FHOD3: variants seen among roughly 807,000 people sequenced by gnomAD.
The protein encoded by FHOD3 is formin homology 2 domain containing 3.
A neutral mutation model predicts 173.0 loss-of-function variants in FHOD3; 90 were observed. The ratio of observed to expected loss-of-function variants is 0.52; its 90% CI spans 0.44 to 0.62. The LOEUF (loss-of-function observed/expected upper bound fraction) is 0.62. Among genes scored for constraint, FHOD3 ranks in the 20% least tolerant of loss-of-function variants. The probability of loss-of-function intolerance (pLI) is 0.00; values close to 1 mark genes in which losing one functional copy is unlikely to be tolerated. For missense variants in FHOD3, 1,945 were observed against 2,034.7 expected (o/e 0.96, Z 0.85); for synonymous variants, 828 against 823.0 (o/e 1.01, Z -0.10).
chr18:36,668,327 CTTA>C (rs1291296930), intron 14 of FHOD3, among the ~76,000 whole-genome samples: 4 of 152,054 alleles, frequency 2.6e-5, no homozygotes, highest in African/African-American at 7.2e-5. Context: ...AGAATAGTCC[CTTA>C]TTATTTTTTT....
intron 7 of FHOD3, among the ~76,000 whole-genome samples, chr18:36,600,893 A>G (rs1026228706): frequency 1.3e-5 from 2 of 152,238 alleles, no homozygotes; most frequent in African/African-American, 4.8e-5. Flanking sequence ...CCTTTGAGCC[A>G]TGCATGGGTA....
At chr18:36,741,959 A>G (rs946405981) in intron 21 of FHOD3, among the ~76,000 whole-genome samples, 6 of 152,130 alleles carry the variant, frequency 3.9e-5, no homozygotes, top group East Asian at 1.9e-4. Flanking sequence ...GGTGACTGCT[A>G]TGACTGGGTC....
At chr18:36,430,618 T>C (rs1055718470) in intron 3 of FHOD3, among the ~76,000 whole-genome samples, 3 of 152,212 alleles carry the variant, frequency 2.0e-5, no homozygotes, top group Non-Finnish European at 4.4e-5. Flanking sequence ...AATAAGTAAT[T>C]TTTAAAAGTT....
At chr18:36,452,858 A>G (rs1488567124) in intron 3 of FHOD3, among the ~76,000 whole-genome samples, 1 of 151,974 alleles carries the variant, frequency 6.6e-6, no homozygotes, top group East Asian at 1.9e-4. Flanking sequence ...GTATGTATGT[A>G]TATGTATGTG....
intron 1 of FHOD3, among the ~76,000 whole-genome samples, chr18:36,330,853 A>G (rs553855406): frequency 6.6e-6 from 1 of 152,170 alleles, no homozygotes; most frequent in Non-Finnish European, 1.5e-5. Flanking sequence ...TGAGTGAGTG[A>G]GTGAGTGAGT....
At chr18:36,475,716 G>A (rs929826498) in intron 3 of FHOD3, among the ~76,000 whole-genome samples, 1 of 150,952 alleles carries the variant, frequency 6.6e-6, no homozygotes, top group African/African-American at 2.4e-5. Flanking sequence ...ATAGAGGTGG[G>A]ATTACAGGAG....
intron 5 of FHOD3, among the ~76,000 whole-genome samples, chr18:36,530,658 G>T (rs1206779628): frequency 1.3e-5 from 2 of 152,200 alleles, no homozygotes; most frequent in African/African-American, 4.8e-5. Flanking sequence ...TTGAGTTGCA[G>T]ACAATGCCAG....
intron 28 of FHOD3, among the ~76,000 whole-genome samples, chr18:36,773,979 G>A (rs972036415): frequency 6.6e-6 from 1 of 152,214 alleles, no homozygotes. Context: ...AGGCAGTTTT[G>A]TCCTGCCCAG....
intron 1 of FHOD3, among the ~76,000 whole-genome samples, chr18:36,310,793 A>T (rs1014646717): frequency 1.3e-5 from 2 of 151,824 alleles, no homozygotes; most frequent in African/African-American, 4.8e-5. Context: ...GTGGGGTTTC[A>T]GTTGGTGAAA....
At chr18:36,686,997 A>AT in intron 15 of FHOD3, 131 bp from the exon 16 acceptor site, 1 of 615,910 alleles carries the variant, frequency 1.6e-6, no homozygotes, top group Non-Finnish European at 2.8e-6. Context: ...AAATTCAGCT[A>AT]CAACCATTTT....
At chr18:36,674,201 G>A (rs369339179) in intron 14 of FHOD3, among the ~76,000 whole-genome samples, 112 of 152,198 alleles carry the variant, frequency 7.4e-4, no homozygotes, top group African/African-American at 2.4e-3. Flanking sequence ...CTGAAGCCTT[G>A]GCTTTCAAGT....
intron 10 of FHOD3, among the ~76,000 whole-genome samples, chr18:36,637,033 G>C (rs182692887): frequency 7.2e-5 from 11 of 152,208 alleles, no homozygotes; most frequent in Non-Finnish European, 1.3e-4. Context: ...GTTTTTGTTT[G>C]CATTTATGGA....
intron 4 of FHOD3, among the ~76,000 whole-genome samples, chr18:36,512,090 A>G (rs950451685): frequency 1.6e-4 from 25 of 152,242 alleles, no homozygotes; most frequent in African/African-American, 5.3e-4. Context: ...AAAACCAGCA[A>G]GCTTCTCCGT....
chr18:36,675,156 A>G (rs926287308), intron 14 of FHOD3, among the ~76,000 whole-genome samples: 3 of 152,082 alleles, frequency 2.0e-5, no homozygotes, highest in Non-Finnish European at 2.9e-5. Flanking sequence ...CTGGCTAATC[A>G]TGTCCCCACC....
At chr18:36,673,254 A>T (rs924683832) in intron 14 of FHOD3, among the ~76,000 whole-genome samples, 3 of 152,204 alleles carry the variant, frequency 2.0e-5, no homozygotes, top group Non-Finnish European at 2.9e-5. Context: ...TTTCTGTTAA[A>T]AAGGCAAGAA....
chr18:36,536,032 G>C (rs1455614413), intron 5 of FHOD3, among the ~76,000 whole-genome samples: 2 of 152,154 alleles, frequency 1.3e-5, no homozygotes, highest in African/African-American at 4.8e-5. Flanking sequence ...TGAAATTTTG[G>C]TGGGAGAAAA....
At chr18:36,323,305 TG>T (rs2145012079) in intron 1 of FHOD3, among the ~76,000 whole-genome samples, 1 of 152,318 alleles carries the variant, frequency 6.6e-6, no homozygotes, top group Admixed American at 6.5e-5. Flanking sequence ...CTTGTTTTTT[TG>T]TTTTTTGTTT....
At chr18:36,497,358 C>T (rs2054798400) in intron 3 of FHOD3, among the ~76,000 whole-genome samples, 1 of 152,170 alleles carries the variant, frequency 6.6e-6, no homozygotes, top group South Asian at 2.1e-4. Context: ...CAGAACCTGC[C>T]TGAGGTCTTT....
intron 1 of FHOD3, among the ~76,000 whole-genome samples, chr18:36,306,687 G>T (rs1192246846): frequency 1.3e-5 from 2 of 152,060 alleles, no homozygotes; most frequent in East Asian, 1.9e-4. Context: ...TTTTTGTTTT[G>T]TTTTTGTTTT....
Sources: allele counts gnomAD v4.1 joint callset (sites outside exome capture counted in the v4.1 genomes callset), GRCh38; gene constraint gnomAD v4.1.1; transcripts MANE v1.5; gene names NCBI Gene and HGNC (gene_info 2026-07-23, HGNC 2026-07-21).